Variants in AVEN observed in about 807,000 individuals in gnomAD.
AVEN encodes apoptosis and caspase activation inhibitor.
A neutral mutation model predicts 38.1 loss-of-function variants in AVEN; 41 were observed. The observed-to-expected ratio is 1.08, with a 90% confidence interval of 0.84 to 1.40. AVEN has a LOEUF of 1.40. Ranked by LOEUF, AVEN falls within the 40% of genes most tolerant of loss-of-function variation. The pLI is 0.00. For missense variants in AVEN, 605 were observed against 438.8 expected (o/e 1.38, Z -3.38); for synonymous variants, 206 against 171.8 (o/e 1.20, Z -1.56).
intron 1 of AVEN, chr15:34,007,154 G>C (rs1485202120): frequency 1.9e-6 from 1 of 533,798 alleles, no homozygotes; most frequent in African/African-American, 2.1e-5. Flanking sequence ...CTATTATCTT[G>C]TCCAATGACA....
chr15:34,038,813 C>G lies in AVEN; in HGVS notation c.234G>C (p.Glu78Asp). 3 of 1,194,382 alleles carry G rather than the reference C, an allele frequency of 2.5e-6. No individual in the cohort carries two copies. Among genetic ancestry groups the G allele is most frequent in the East Asian group, 7.7e-5 (2 of 25,918 alleles). The allele number at this position is 1,194,382 out of a possible 1,614,324, so 74.0% of individuals were successfully genotyped here. Reference sequence around the variant, plus strand: ...TGGCCCCTGCGCCCCAGCCTCCCGGCTCCCGGCGGCTGCCTCGCGGGGCGC... The same window carrying G: ...TGGCCCCTGCGCCCCAGCCTCCCGGGTCCCGGCGGCTGCCTCGCGGGGCGC... ...GGGAPRGSRR[E>D]PGGWGAGASA... The change falls in exon 1 of 6, where the codon GAG becomes GAC. Residue 78 changes from glutamate to aspartate, a missense_variant. Coordinates refer to ENST00000306730, the MANE Select transcript of AVEN (RefSeq NM_020371.3).
chr15:33,960,943 T>A (rs2140469465), intron 2 of AVEN, among the ~76,000 whole-genome samples: 1 of 152,336 alleles, frequency 6.6e-6, no homozygotes, highest in South Asian at 2.1e-4. Context: ...TATGAAGTCT[T>A]TACATAAATA....
rs140204705 is a variant in AVEN, at chr15:33,932,637, C to T, written c.446-56642G>A. 9.0e-3 allele frequency among the ~76,000 whole-genome samples: 1,363 copies of T among 152,108 alleles called. 18 individuals carry two copies. The highest frequency in any genetic ancestry group is 0.031 in the African/African-American group (1,300 of 41,474). ...GTCAGGAGTTCAAGACCAGCCTAGC[C>T]AACATGATGAAACCCTGTCTCTACT... is the stretch of plus-strand genomic sequence containing the variant. On this transcript the variant is annotated intron_variant, in intron 2 of 5. Coordinates refer to ENST00000306730, the MANE Select transcript of AVEN (RefSeq NM_020371.3).
chr15:33,938,457 A>AAAAAAT (rs1291693525), intron 2 of AVEN, among the ~76,000 whole-genome samples: 1 of 152,164 alleles, frequency 6.6e-6, no homozygotes, highest in Admixed American at 6.5e-5. Context: ...TCCGTCTTGA[A>AAAAAAT]AAAAATAAAA....
intron 2 of AVEN, among the ~76,000 whole-genome samples, chr15:33,930,055 A>C (rs1020306875): frequency 6.6e-6 from 1 of 152,218 alleles, no homozygotes; most frequent in African/African-American, 2.4e-5. Flanking sequence ...GGGCCCTATA[A>C]AAGCACCAGT....
chr15:33,889,957 T>C lies in AVEN; in HGVS notation c.446-13962A>G, dbSNP rs566165185. 3.3e-5 allele frequency among the ~76,000 whole-genome samples: 5 copies of C among 152,236 alleles called. No homozygotes were observed. In the East Asian group the frequency reaches 7.7e-4, roughly 24 times the overall value. The stretch of plus-strand genomic sequence containing the variant: ...CCAATGGGGTCAAGGTACGGCAAGG[T>C]AGATACAAACCCTACATTCTACCGA... On this transcript the variant is annotated intron_variant, in intron 2 of 5. Coordinates refer to ENST00000306730, the MANE Select transcript of AVEN (RefSeq NM_020371.3).
chr15:33,926,723 C>T (rs951055578), intron 2 of AVEN, among the ~76,000 whole-genome samples: 12 of 152,136 alleles, frequency 7.9e-5, no homozygotes, highest in African/African-American at 2.4e-4. Flanking sequence ...TGCACAATCT[C>T]AGCTCACTGA....
chr15:33,860,021 G>T (rs1424684875), intron 11 of AVEN, among the ~76,000 whole-genome samples: 2 of 152,132 alleles, frequency 1.3e-5, no homozygotes, highest in East Asian at 3.9e-4. Context: ...TCTCTCCTGT[G>T]GCTAGTCTTG....
At chr15:34,010,996 A>G (rs1006521386) in intron 1 of AVEN, among the ~76,000 whole-genome samples, 2 of 152,200 alleles carry the variant, frequency 1.3e-5, no homozygotes, top group Non-Finnish European at 2.9e-5. Context: ...ATAAACCATC[A>G]TAATTAAAGA....
At chr15:33,864,363 CCAACAAACACTGA>C (rs1889683618), downstream of AVEN, among the ~76,000 whole-genome samples, 1 of 151,684 alleles carries the variant, frequency 6.6e-6, no homozygotes, top group South Asian at 2.1e-4. Context: ...TTTATCCTTC[CCAACAAACACTGA>C]CATTTTCTAA....
At chr15:33,888,456 G>T (rs910592403) in intron 2 of AVEN, among the ~76,000 whole-genome samples, 3 of 152,126 alleles carry the variant, frequency 2.0e-5, no homozygotes, top group Non-Finnish European at 4.4e-5. Flanking sequence ...TAAAAGAAGG[G>T]CCAAAATCAG....
chr15:33,943,872 T>A (rs1286153657), intron 2 of AVEN, among the ~76,000 whole-genome samples: 1 of 149,430 alleles, frequency 6.7e-6, no homozygotes, highest in Non-Finnish European at 1.5e-5. Flanking sequence ...GTAAATTATA[T>A]GTTTTTCTTT....
At chr15:34,021,057 T>C (rs1567472087) in intron 1 of AVEN, among the ~76,000 whole-genome samples, 1 of 152,232 alleles carries the variant, frequency 6.6e-6, no homozygotes, top group Non-Finnish European at 1.5e-5. Flanking sequence ...TCTCTAGCTT[T>C]CCAGCATCTG....
chr15:34,059,309 G>T (rs1597393609), intron 5 of AVEN, among the ~76,000 whole-genome samples: 1 of 152,178 alleles, frequency 6.6e-6, no homozygotes, highest in Non-Finnish European at 1.5e-5. Flanking sequence ...AATTGCTTAT[G>T]ACCTGATAAT....
chr15:33,910,218 T>A (rs1018309615), intron 2 of AVEN, among the ~76,000 whole-genome samples: 12 of 152,034 alleles, frequency 7.9e-5, no homozygotes, highest in African/African-American at 2.9e-4. Flanking sequence ...AGACATATAT[T>A]CCTTTCATTT....
chr15:33,866,913 T>C (rs1235300944), intron 5 of AVEN, among the ~76,000 whole-genome samples, 185 bp from the exon 6 acceptor site: 1 of 152,170 alleles, frequency 6.6e-6, no homozygotes, highest in Non-Finnish European at 1.5e-5. Context: ...ATTCTGAAGT[T>C]GAACTTCACA....
At position 33,866,328 on chromosome 15, in the gene AVEN, G is replaced by T. The variant is rs2241648; in HGVS notation, c.*285C>A. On this transcript the variant is annotated 3_prime_UTR_variant, in exon 6 of 6. Transcript: ENST00000306730. ...CTGCTATGCTGTAAACACTGGCTAT[G>T]TTGTAAACACTGCAAGGAAGGAGGC... is the stretch of plus-strand genomic sequence containing the variant. The T allele has an allele frequency of 2.2e-6, 1 of 449,696 alleles. No individual in the cohort carries two copies. Among genetic ancestry groups the T allele is most frequent in the Admixed American group, 3.9e-5 (1 of 25,344 alleles). 27.9% of individuals were successfully genotyped at this position (449,696 alleles called of 1,614,324 possible). A position where few individuals can be genotyped will look rare whatever the true frequency, so the allele number is the denominator to read the frequency against.
rs141876559 is a variant in AVEN, at chr15:33,949,361, T to A, written c.445+53671A>T. 8.1e-4 allele frequency among the ~76,000 whole-genome samples: 123 copies of A among 152,336 alleles called. 1 individual carries two copies. The East Asian group carries it at 0.023, about 29-fold the overall frequency. ...CAACAGCACAGTAGGGGGTCTATAG[T>A]TATCGTTAATTTACGCTATATTTCA... On this transcript the variant is annotated intron_variant, in intron 2 of 5. Coordinates refer to ENST00000306730, the MANE Select transcript of AVEN (RefSeq NM_020371.3).
downstream of AVEN, chr15:33,865,518 G>A (rs1312786170): frequency 8.0e-5 from 27 of 337,582 alleles, no homozygotes; most frequent in East Asian, 1.4e-3. Context: ...AGTTCAGTTT[G>A]TTGGGATGGA....
Sources: allele counts gnomAD v4.1 joint callset (sites outside exome capture counted in the v4.1 genomes callset), GRCh38; gene constraint gnomAD v4.1.1; transcripts MANE v1.5; gene names NCBI Gene and HGNC (gene_info 2026-07-23, HGNC 2026-07-21).